The following CDHR2 variants were observed in gnomAD, a reference collection of about 807,000 sequenced individuals.
CDHR2 encodes cadherin-related family member 2.
In CDHR2, 104 loss-of-function variants were observed where a neutral mutation model predicts 138.6. The ratio of observed to expected loss-of-function variants is 0.75; its 90% CI spans 0.64 to 0.88. The LOEUF (loss-of-function observed/expected upper bound fraction) is 0.88, where lower values mean the gene tolerates loss of function less well. Among genes scored for constraint, CDHR2 ranks in the 40% least tolerant of loss-of-function variants. CDHR2 has a pLI of 0.00. For synonymous variants in CDHR2, 755 were observed against 742.8 expected (o/e 1.02, Z -0.27); for missense variants, 1,624 against 1,727.6 (o/e 0.94, Z 1.06).
intron 1 of CDHR2, among the ~76,000 whole-genome samples, chr5:176,560,915 A>G (rs1468584537): frequency 6.6e-6 from 1 of 152,192 alleles, no homozygotes; most frequent in African/African-American, 2.4e-5. Context: ...CTGGGGCTTC[A>G]GGGCGGGGTG....
chr5:176,546,045 TTG>T (rs1208473192), upstream of CDHR2, among the ~76,000 whole-genome samples: 2 of 152,160 alleles, frequency 1.3e-5, no homozygotes, highest in Admixed American at 6.5e-5. Context: ...TCTGCCCTAT[TTG>T]GGGCACAGCA....
chr5:176,580,501 T>G (rs1441905772), intron 16 of CDHR2, among the ~76,000 whole-genome samples: 1 of 133,930 alleles, frequency 7.5e-6, no homozygotes, highest in Non-Finnish European at 1.5e-5. Flanking sequence ...TGCACTCCAC[T>G]CTGGGCAACA....
At chr5:176,561,570 C>A (rs915148558) in intron 1 of CDHR2, among the ~76,000 whole-genome samples, 36 of 150,674 alleles carry the variant, frequency 2.4e-4, no homozygotes, top group African/African-American at 8.3e-4. Flanking sequence ...CATGGATGGG[C>A]GGAGGAGGCA....
intron 1 of CDHR2, among the ~76,000 whole-genome samples, chr5:176,558,094 CCATCGACCATGGGAA>C (rs1231715560): frequency 3.9e-5 from 6 of 152,220 alleles, no homozygotes; most frequent in South Asian, 2.1e-4. Flanking sequence ...AGGTTGTAGT[CCATCGACCATGGGAA>C]CGGGACCCCC....
At position 176,543,549 on chromosome 5, in the gene CDHR2, A is replaced by G. The variant is rs1299971290; in HGVS notation, c.-16+780A>G. On this transcript the variant is annotated intron_variant, in intron 1 of 31. Coordinates refer to the CDHR2 transcript ENST00000510636. The surrounding 1 kb of genome is among the most constrained non-coding windows in gnomAD (Gnocchi z 4.0). Reference sequence around the variant, plus strand: ...CGCGCCCGCCCAGCGTCAGTCGGCCAGGGGTGCGTAAGGGCGCGGCGCCTG... The same window carrying G: ...CGCGCCCGCCCAGCGTCAGTCGGCCGGGGGTGCGTAAGGGCGCGGCGCCTG... The G allele has an allele frequency of 3.9e-5, 6 of 152,086 alleles. No individual in the cohort carries two copies. Among genetic ancestry groups the G allele is most frequent in the Non-Finnish European group, 7.3e-5 (5 of 68,060 alleles). 9.4% of individuals were successfully genotyped at this position (152,086 alleles called of 1,614,324 possible). A position where few individuals can be genotyped will look rare whatever the true frequency, so the allele number is the denominator to read the frequency against.
intron 1 of CDHR2, among the ~76,000 whole-genome samples, chr5:176,552,598 T>G (rs1757730735): frequency 6.6e-6 from 1 of 152,114 alleles, no homozygotes; most frequent in Non-Finnish European, 1.5e-5. Context: ...CAGGCCGTTA[T>G]TGCGCCTTCG....
chr5:176,581,293 G>A (rs1235851363), intron 16 of CDHR2, 50 bp from the exon 17 acceptor site: 1 of 1,602,948 alleles, frequency 6.2e-7, no homozygotes, highest in East Asian at 2.2e-5. Context: ...GGAGGGGCTG[G>A]GGGCTGGGAA....
At chr5:176,550,473 CA>C (rs910046134) in intron 1 of CDHR2, among the ~76,000 whole-genome samples, 8 of 152,178 alleles carry the variant, frequency 5.3e-5, no homozygotes, top group Non-Finnish European at 1.2e-4. Context: ...CCTCCTGGAT[CA>C]ACGGAGCCCA....
intron 1 of CDHR2, among the ~76,000 whole-genome samples, chr5:176,555,301 G>A (rs1232057062): frequency 2.6e-5 from 4 of 152,198 alleles, no homozygotes; most frequent in Admixed American, 1.3e-4. Flanking sequence ...CTGGGGCCAC[G>A]GGAGGCCTGC....
Position 176,588,994 on chromosome 5 carries a change from G to A in CDHR2, c.2857-37G>A, listed in dbSNP as rs373594542. 362 of 1,608,240 alleles carry A rather than the reference G, an allele frequency of 2.3e-4. No individual in the cohort carries two copies. The African/African-American group carries it at 2.7e-3, about 12-fold the overall frequency. ...GCTGGGGTGGAGGGATGCCTGGCCTGGCTGGGCCCCCAGATATTGTCCACT... is the reference window on the plus strand; with the variant it reads ...GCTGGGGTGGAGGGATGCCTGGCCTAGCTGGGCCCCCAGATATTGTCCACT... On this transcript the variant is annotated intron_variant, in intron 21 of 31. Transcript: ENST00000261944.
intron 15 of CDHR2, 94 bp downstream of exon 15, chr5:176,578,189 C>T (rs543818050): frequency 3.9e-5 from 51 of 1,304,448 alleles, no homozygotes; most frequent in African/African-American, 3.2e-4. Flanking sequence ...TGGGGAAGAC[C>T]GAAGGCACTC....
rs1758395345 is a variant in CDHR2 at position 176,576,941 on chromosome 5, A to G, written c.1195-458A>G. ...GGTAACACGGTGGCGCTGGAGGATGAGTAACTCTGGAGGGTGTATGGTGTT... is the reference window on the plus strand; with the variant it reads ...GGTAACACGGTGGCGCTGGAGGATGGGTAACTCTGGAGGGTGTATGGTGTT... On this transcript the variant is annotated intron_variant, in intron 12 of 31. Coordinates refer to ENST00000261944, the MANE Select transcript of CDHR2 (RefSeq NM_017675.6). This position sits in a 1 kb window ranked among gnomAD's most constrained non-coding sequence, Gnocchi z 4.5. Among the ~76,000 whole-genome samples, 2 of 151,994 alleles carry G rather than the reference A, an allele frequency of 1.3e-5. No homozygotes were observed. Among genetic ancestry groups the G allele is most frequent in the Non-Finnish European group, 2.9e-5 (2 of 68,010 alleles).
At chr5:176,549,609 G>A (rs1757660074) in intron 1 of CDHR2, among the ~76,000 whole-genome samples, 195 bp downstream of exon 1, 1 of 152,164 alleles carries the variant, frequency 6.6e-6, no homozygotes, top group African/African-American at 2.4e-5. Flanking sequence ...GGTAAACATG[G>A]GATAATAATA....
At chr5:176,555,516 C>T (rs2113257999) in intron 1 of CDHR2, among the ~76,000 whole-genome samples, 1 of 152,348 alleles carries the variant, frequency 6.6e-6, no homozygotes, top group African/African-American at 2.4e-5. Context: ...TCTTGCCTCC[C>T]CTCCAGCCCT....
chr5:176,595,797 A>G lies in CDHR2; in HGVS notation c.*125A>G. 1.0e-6 allele frequency: 1 copy of G among 966,716 alleles called. No individual in the cohort carries two copies. The highest frequency in any genetic ancestry group is 1.5e-6 in the Non-Finnish European group (1 of 684,808). The allele number at this position is 966,716 out of a possible 1,614,324, so 59.9% of individuals were successfully genotyped here. A position where few individuals can be genotyped will look rare whatever the true frequency, so the allele number is the denominator to read the frequency against. On this transcript the variant is annotated 3_prime_UTR_variant, in exon 32 of 32. Coordinates refer to ENST00000261944, the MANE Select transcript of CDHR2 (RefSeq NM_017675.6). ...CTGCTTTTGGCCAATCACGGCAGAC[A>G]GGGGTTGGGGAAATATTTTATTACC...
chr5:176,581,254 A>T, intron 16 of CDHR2, 89 bp from the exon 17 acceptor site: 1 of 1,533,164 alleles, frequency 6.5e-7, no homozygotes, highest in Non-Finnish European at 8.8e-7. Flanking sequence ...TGCGTGGGCC[A>T]GCGCTGGAGA....
In CDHR2 at chr5:176,589,576, C is replaced by G; in HGVS notation, c.3166C>G (p.Pro1056Ala). Reference sequence around the variant, plus strand: ...CCGCTCGCGGCTGCAGTTCTCCACACCGAAGGAGGAGGTGGGCGCCAACAG... The same window carrying G: ...CCGCTCGCGGCTGCAGTTCTCCACAGCGAAGGAGGAGGTGGGCGCCAACAG... ...SYRSRLQFST[P>A]KEEVGANRQA... The change falls in exon 24 of 32, where the codon CCG (proline) becomes GCG (alanine). Residue 1056 changes from proline to alanine, a missense_variant. By Grantham distance (27) the Pro-to-Ala change is conservative. Coordinates refer to ENST00000261944, the MANE Select transcript of CDHR2 (RefSeq NM_017675.6). 1 of 1,614,076 alleles carries G rather than the reference C, an allele frequency of 6.2e-7. No individual in the cohort carries two copies. Among genetic ancestry groups the G allele is most frequent in the Non-Finnish European group, 8.5e-7 (1 of 1,180,022 alleles).
In CDHR2 at chr5:176,577,647, C is replaced by T. The variant is rs762901848; in HGVS notation, c.1361C>T (p.Thr454Ile). 2.5e-6 allele frequency: 4 copies of T among 1,614,178 alleles called. No homozygotes were observed. In the South Asian group the frequency reaches 3.3e-5, roughly 13 times the overall value. The change falls in exon 14 of 32, where the codon ACA becomes ATA. Residue 454 changes from threonine (T) to isoleucine (I), a missense_variant. Around this residue, in one of 3 missense-constraint regions of CDHR2, gnomAD observed 1,061 missense variants for 1,136.6 expected, o/e 0.93. Coordinates refer to ENST00000261944, the MANE Select transcript of CDHR2 (RefSeq NM_017675.6). ...QTAMAVQVVA[T>I]DSVSQNFSVA... ...CTCCCCTGCCCCCAGGTTGTGGCCA[C>T]AGACTCCGTCAGCCAGAACTTCTCC...
chr5:176,575,428 T>C lies in CDHR2; in HGVS notation c.768+2T>C, dbSNP rs920411750. On this transcript the variant is annotated splice_donor_variant, in intron 9 of 31. Coordinates refer to ENST00000261944, the MANE Select transcript of CDHR2 (RefSeq NM_017675.6). LOFTEE classifies it high-confidence loss of function. ...TCTGTGGCTGAGGATGCAGCCAAGGTGCACGGGGGACCTGTGGGGTGTGGG... is the reference window on the plus strand; with the variant it reads ...TCTGTGGCTGAGGATGCAGCCAAGGCGCACGGGGGACCTGTGGGGTGTGGG... 6.2e-7 allele frequency: 1 copy of C among 1,614,184 alleles called. No homozygotes were observed. The highest frequency in any genetic ancestry group is 8.5e-7 in the Non-Finnish European group (1 of 1,180,022).
Sources: allele counts gnomAD v4.1 joint callset (sites outside exome capture counted in the v4.1 genomes callset), GRCh38; gene constraint gnomAD v4.1.1; regional missense constraint gnomAD v4.1.1; non-coding constraint Gnocchi (gnomAD v3.1); transcripts MANE v1.5; gene names NCBI Gene and HGNC (gene_info 2026-07-23, HGNC 2026-07-21).